Variants in BACH2 observed in about 807,000 individuals in gnomAD.
BACH2 encodes the protein transcription regulator protein BACH2.
In BACH2, 5 loss-of-function variants were observed where a neutral mutation model predicts 61.8. The observed-to-expected ratio is 0.08, with a 90% confidence interval of 0.04 to 0.17. The LOEUF (loss-of-function observed/expected upper bound fraction) is 0.17, where lower values mean the gene tolerates loss of function less well. Among genes scored for constraint, BACH2 ranks in the 10% least tolerant of loss-of-function variants. The pLI is 1.00. For missense variants in BACH2, 824 were observed against 1,091.1 expected (o/e 0.76, Z 3.45); for synonymous variants, 446 against 440.1 (o/e 1.01, Z -0.17).
At chr6:90,101,568 A>C (rs1006355048) in intron 4 of BACH2, among the ~76,000 whole-genome samples, 1 of 152,194 alleles carries the variant, frequency 6.6e-6, no homozygotes, top group African/African-American at 2.4e-5. Context: ...TCAAGACTAC[A>C]CTATCTTATA....
At position 90,073,533 on chromosome 6, in the gene BACH2, C is replaced by T. The variant is rs567782912; in HGVS notation, c.-13+15428G>A. ...ACTTGAAAACCTTTAGAGGTTAATA[C>T]TAAGTCAGCTCAATGAAACACCTTT... is the stretch of plus-strand genomic sequence containing the variant. On this transcript the variant is annotated intron_variant, in intron 5 of 8. Coordinates refer to ENST00000257749, the MANE Select transcript of BACH2 (RefSeq NM_021813.4). 3.3e-5 allele frequency among the ~76,000 whole-genome samples: 5 copies of T among 152,338 alleles called. No individual in the cohort carries two copies. The East Asian group carries it at 9.6e-4, about 29-fold the overall frequency.
chr6:90,257,259 G>A (rs1222644732), intron 2 of BACH2, among the ~76,000 whole-genome samples: 1 of 152,152 alleles, frequency 6.6e-6, no homozygotes, highest in Non-Finnish European at 1.5e-5. Flanking sequence ...GAATGGCTGG[G>A]TCATATATGG....
intron 1 of BACH2, among the ~76,000 whole-genome samples, chr6:90,282,971 G>A (rs1771902190): frequency 6.6e-6 from 1 of 152,206 alleles, no homozygotes; most frequent in Non-Finnish European, 1.5e-5. Context: ...TTAGACTCCT[G>A]TCAACTAAAT....
intron 4 of BACH2, among the ~76,000 whole-genome samples, chr6:90,196,854 T>C (rs1455644619): frequency 4.0e-5 from 6 of 151,874 alleles, no homozygotes; most frequent in South Asian, 2.1e-4. Context: ...TTAAAAAAAA[T>C]AGAAAAGAAA....
intron 8 of BACH2, among the ~76,000 whole-genome samples, chr6:89,933,096 C>T (rs907976518): frequency 6.6e-6 from 1 of 152,152 alleles, no homozygotes; most frequent in Non-Finnish European, 1.5e-5. Flanking sequence ...GATGCCAACA[C>T]CTTCCCCAGG....
intron 8 of BACH2, among the ~76,000 whole-genome samples, chr6:89,933,572 C>T (rs1772815341): frequency 6.6e-6 from 1 of 151,848 alleles, no homozygotes; most frequent in African/African-American, 2.4e-5. Context: ...TTGACTAACA[C>T]ATGTACCACT....
intron 6 of BACH2, among the ~76,000 whole-genome samples, chr6:89,975,231 C>A (rs1775588846): frequency 6.6e-6 from 1 of 152,146 alleles, no homozygotes. Context: ...TTTGAAGAGG[C>A]AGAAATTGCT....
intron 5 of BACH2, among the ~76,000 whole-genome samples, chr6:90,073,274 C>A (rs1032365564): frequency 1.1e-4 from 17 of 151,464 alleles, no homozygotes; most frequent in African/African-American, 3.9e-4. Context: ...TCCCTCTGAA[C>A]CTCCCCAAAC....
chr6:90,113,522 T>A (rs1783265614), intron 4 of BACH2, among the ~76,000 whole-genome samples: 1 of 152,020 alleles, frequency 6.6e-6, no homozygotes, highest in Non-Finnish European at 1.5e-5. Flanking sequence ...AAGGCAGAAA[T>A]CAAGAAGTTT....
At chr6:90,258,924 C>T (rs780695480) in intron 2 of BACH2, among the ~76,000 whole-genome samples, 7 of 152,160 alleles carry the variant, frequency 4.6e-5, no homozygotes, top group Non-Finnish European at 1.0e-4. Flanking sequence ...CACAGCTTTA[C>T]TGAATTCATT....
chr6:90,287,981 G>A (rs1455706088), intron 1 of BACH2, among the ~76,000 whole-genome samples: 1 of 152,178 alleles, frequency 6.6e-6, no homozygotes, highest in African/African-American at 2.4e-5. Flanking sequence ...CACAGAAGGA[G>A]GATGGGGGAA....
At chr6:90,202,063 T>C (rs1052128696) in intron 4 of BACH2, among the ~76,000 whole-genome samples, 10 of 152,362 alleles carry the variant, frequency 6.6e-5, no homozygotes, top group African/African-American at 2.4e-4. Flanking sequence ...ATGACTCTTC[T>C]TACCTTTGCC....
At chr6:89,954,108 C>A (rs372219966) in intron 6 of BACH2, among the ~76,000 whole-genome samples, 1 of 151,986 alleles carries the variant, frequency 6.6e-6, no homozygotes, top group African/African-American at 2.4e-5. Context: ...ATGGCTCCAC[C>A]ACAAAGAAAG....
intron 5 of BACH2, among the ~76,000 whole-genome samples, chr6:90,087,402 GA>G (rs1370175729): frequency 2.0e-5 from 3 of 152,072 alleles, no homozygotes; most frequent in Non-Finnish European, 4.4e-5. Context: ...TGAAACAAAA[GA>G]AAAAATGCTG....
chr6:89,945,924 G>A (rs892903112), intron 7 of BACH2, among the ~76,000 whole-genome samples: 1 of 147,192 alleles, frequency 6.8e-6, no homozygotes, highest in Admixed American at 6.7e-5. Context: ...TCACTTATGT[G>A]ACTTGTTCAT....
chr6:90,244,371 G>C (rs1416523023), intron 3 of BACH2, among the ~76,000 whole-genome samples: 1 of 152,154 alleles, frequency 6.6e-6, no homozygotes, highest in Non-Finnish European at 1.5e-5. Flanking sequence ...AACCCCTTGA[G>C]GTAATTACTA....
chr6:90,043,413 C>T (rs1779634292), intron 5 of BACH2, among the ~76,000 whole-genome samples: 1 of 152,014 alleles, frequency 6.6e-6, no homozygotes, highest in South Asian at 2.1e-4. Flanking sequence ...CCATGTGATG[C>T]CAGCCTCCAG....
At chr6:90,188,181 T>C (rs1398277285) in intron 4 of BACH2, among the ~76,000 whole-genome samples, 2 of 152,252 alleles carry the variant, frequency 1.3e-5, no homozygotes, top group Non-Finnish European at 2.9e-5. Flanking sequence ...CTGTTTGCTT[T>C]TGATATAAAT....
chr6:89,935,743 T>C (rs1235777800), intron 8 of BACH2, among the ~76,000 whole-genome samples: 1 of 152,176 alleles, frequency 6.6e-6, no homozygotes, highest in East Asian at 1.9e-4. Context: ...ATCACAAAAT[T>C]ACACTAAGCA....
Sources: gnomAD v4.1 joint callset for allele counts (sites outside exome capture counted in the v4.1 genomes callset) on GRCh38, gnomAD v4.1.1 for gene constraint, MANE v1.5 for transcripts, NCBI Gene and HGNC (gene_info 2026-07-23, HGNC 2026-07-21) for gene names.